Variants in PCBP3 observed in about 807,000 individuals in gnomAD.
PCBP3 encodes poly(rC)-binding protein 3.
PCBP3 carries 25 observed loss-of-function variants against 52.7 expected under a neutral mutation model. The ratio of observed to expected loss-of-function variants is 0.47; its 90% CI spans 0.35 to 0.66. The LOEUF (loss-of-function observed/expected upper bound fraction) is 0.66, where lower values mean the gene tolerates loss of function less well. PCBP3 is among the 30% of genes least tolerant of loss of function. The probability of loss-of-function intolerance (pLI) is 0.01; values close to 1 mark genes in which losing one functional copy is unlikely to be tolerated. For synonymous variants in PCBP3, 162 were observed against 183.0 expected (o/e 0.89, Z 0.93); for missense variants, 391 against 490.3 (o/e 0.80, Z 1.91).
chr21:45,738,118 T>G (rs1391015974), intron 3 of PCBP3, among the ~76,000 whole-genome samples: 1 of 152,208 alleles, frequency 6.6e-6, no homozygotes, highest in Admixed American at 6.5e-5. Flanking sequence ...AGCCCACTCC[T>G]AGCCCCATGT....
intron 4 of PCBP3, among the ~76,000 whole-genome samples, chr21:45,784,594 G>C (rs2090953833): frequency 6.6e-6 from 1 of 152,084 alleles, no homozygotes; most frequent in Non-Finnish European, 1.5e-5. Flanking sequence ...CCGAGTGCCT[G>C]CAATTGCAGG....
intron 2 of PCBP3, among the ~76,000 whole-genome samples, chr21:45,715,171 A>G (rs2084127394): frequency 6.6e-6 from 1 of 152,172 alleles, no homozygotes; most frequent in Non-Finnish European, 1.5e-5. Context: ...GTACACGTGA[A>G]TGTGAGTACT....
intron 5 of PCBP3, among the ~76,000 whole-genome samples, chr21:45,862,533 G>T (rs549376782): frequency 6.6e-6 from 1 of 152,250 alleles, no homozygotes; most frequent in Non-Finnish European, 1.5e-5. Flanking sequence ...GTAATGATCA[G>T]TGACAGGTTT....
At chr21:45,899,734 G>T in intron 7 of PCBP3, 112 bp downstream of exon 7, 1 of 768,342 alleles carries the variant, frequency 1.3e-6, no homozygotes. Flanking sequence ...TTCCCAGTTG[G>T]TGGGTGGTCT....
chr21:45,804,824 G>A (rs1185417767), intron 4 of PCBP3, among the ~76,000 whole-genome samples: 1 of 152,166 alleles, frequency 6.6e-6, no homozygotes, highest in Non-Finnish European at 1.5e-5. Context: ...ACCACAAGCA[G>A]GAGGGGTGGG....
chr21:45,861,362 G>A lies in PCBP3; in HGVS notation c.10+11267G>A, dbSNP rs147214822. ...AGCAGGCTGTTTGTGAACACCACAG[G>A]CCCACCCACACCAGCCTCAACGCTC... is the stretch of plus-strand genomic sequence containing the variant. On this transcript the variant is annotated intron_variant, in intron 5 of 17. Coordinates refer to ENST00000681687, the MANE Select transcript of PCBP3 (RefSeq NM_001384156.1). Among the ~76,000 whole-genome samples, 231 of 152,102 alleles carry A rather than the reference G, an allele frequency of 1.5e-3. 1 individual carries two copies. The highest frequency in any genetic ancestry group is 0.01 in the Middle Eastern group (3 of 294).
intron 2 of PCBP3, among the ~76,000 whole-genome samples, chr21:45,709,092 C>G (rs2083651793): frequency 6.6e-6 from 1 of 152,242 alleles, no homozygotes; most frequent in African/African-American, 2.4e-5. Context: ...AAACAACAGT[C>G]CATGTCTTGC....
chr21:45,819,929 C>T (rs1170526107), intron 4 of PCBP3, among the ~76,000 whole-genome samples: 1 of 152,238 alleles, frequency 6.6e-6, no homozygotes, highest in Non-Finnish European at 1.5e-5. Flanking sequence ...CAGACCCAGC[C>T]ATTGTCTGAA....
intron 5 of PCBP3, among the ~76,000 whole-genome samples, chr21:45,895,375 G>A (rs1474611459): frequency 2.0e-5 from 3 of 152,240 alleles, no homozygotes; most frequent in Middle Eastern, 3.4e-3. Flanking sequence ...TGGGTTTTAC[G>A]AGCCAGCCCC....
At chr21:45,930,425 C>T (rs1268198189) in intron 14 of PCBP3, among the ~76,000 whole-genome samples, 1 of 152,186 alleles carries the variant, frequency 6.6e-6, no homozygotes, top group African/African-American at 2.4e-5. Context: ...ACTGCGTATC[C>T]CAAGGTGGCA....
intron 1 of PCBP3, among the ~76,000 whole-genome samples, chr21:45,645,392 G>GA (rs1367164085): frequency 1.3e-5 from 2 of 152,092 alleles, no homozygotes; most frequent in Admixed American, 6.5e-5. Context: ...CTTTATAACT[G>GA]AAAAAAATGG....
chr21:45,773,708 T>A (rs1476836102), intron 4 of PCBP3, among the ~76,000 whole-genome samples: 1 of 152,216 alleles, frequency 6.6e-6, no homozygotes, highest in Admixed American at 6.5e-5. Flanking sequence ...TCAGGATTGC[T>A]TTAGCTATTT....
At chr21:45,694,157 C>T (rs1263196851) in intron 2 of PCBP3, among the ~76,000 whole-genome samples, 1 of 151,934 alleles carries the variant, frequency 6.6e-6, no homozygotes, top group Non-Finnish European at 1.5e-5. Context: ...AATAAAGTAA[C>T]CAAAGAACCA....
chr21:45,675,124 G>T (rs925669448), intron 2 of PCBP3, among the ~76,000 whole-genome samples: 1 of 152,188 alleles, frequency 6.6e-6, no homozygotes, highest in Non-Finnish European at 1.5e-5. Flanking sequence ...TTGAGGCGAG[G>T]TCCTGTGCTT....
At chr21:45,740,318 G>T (rs181786365) in intron 3 of PCBP3, among the ~76,000 whole-genome samples, 1 of 152,332 alleles carries the variant, frequency 6.6e-6, no homozygotes, top group Admixed American at 6.5e-5. Context: ...CTCACTGGCA[G>T]GTCACTTCTG....
intron 5 of PCBP3, among the ~76,000 whole-genome samples, chr21:45,890,180 T>C (rs1424624889): frequency 2.0e-5 from 3 of 152,118 alleles, no homozygotes; most frequent in Non-Finnish European, 4.4e-5. Context: ...CATGAGAGCA[T>C]GGGGAGGGGT....
chr21:45,873,906 A>G (rs757240592), intron 5 of PCBP3, among the ~76,000 whole-genome samples: 2 of 152,230 alleles, frequency 1.3e-5, no homozygotes. Flanking sequence ...TGGGACTACA[A>G]GCGTGCGCCA....
At chr21:45,677,329 T>G (rs2081532466) in intron 2 of PCBP3, among the ~76,000 whole-genome samples, 1 of 152,170 alleles carries the variant, frequency 6.6e-6, no homozygotes, top group Non-Finnish European at 1.5e-5. Context: ...TAAGCCAAAG[T>G]CCACTCCAGA....
At position 45,935,532 on chromosome 21, in the gene PCBP3, G is replaced by A. The variant is rs1326290600; in HGVS notation, c.909+227G>A. 7.5e-6 allele frequency: 5 copies of A among 663,340 alleles called. No homozygotes were observed. The Admixed American group carries it at 1.0e-4, about 14-fold the overall frequency. 41.1% of individuals were successfully genotyped at this position (663,340 alleles called of 1,614,324 possible). A position where few individuals can be genotyped will look rare whatever the true frequency, so the allele number is the denominator to read the frequency against. ...CCCTAAGATGTTGAACAAGCAACAG[G>A]CTAAAGGGGACTTCAGATATTAATC... On this transcript the variant is annotated intron_variant, in intron 16 of 17. Coordinates refer to ENST00000681687, the MANE Select transcript of PCBP3 (RefSeq NM_001384156.1).
Sources: gnomAD v4.1 joint callset for allele counts (sites outside exome capture counted in the v4.1 genomes callset) on GRCh38, gnomAD v4.1.1 for gene constraint, MANE v1.5 for transcripts, NCBI Gene and HGNC (gene_info 2026-07-23, HGNC 2026-07-21) for gene names.